The following PTPRT variants were observed in gnomAD, a reference collection of about 807,000 sequenced individuals.
PTPRT encodes receptor-type tyrosine-protein phosphatase T.
In PTPRT, 56 loss-of-function variants were observed where a neutral mutation model predicts 176.8. The ratio of observed to expected loss-of-function variants is 0.32; its 90% CI spans 0.26 to 0.40. The LOEUF is 0.40. PTPRT is among the 10% of genes least tolerant of loss of function. The pLI, the probability that PTPRT is intolerant of heterozygous loss-of-function variation, is 1.00. For synonymous variants in PTPRT, 783 were observed against 739.0 expected (o/e 1.06, Z -0.96); for missense variants, 1,540 against 1,908.2 (o/e 0.81, Z 3.60).
chr20:42,710,859 C>G (rs2076134104), intron 6 of PTPRT, among the ~76,000 whole-genome samples: 1 of 152,356 alleles, frequency 6.6e-6, no homozygotes, highest in African/African-American at 2.4e-5. Flanking sequence ...TCCAAGAAAG[C>G]CACAGGGACA....
chr20:42,911,918 C>G (rs142767730), intron 1 of PTPRT, among the ~76,000 whole-genome samples: 1 of 151,598 alleles, frequency 6.6e-6, no homozygotes, highest in Non-Finnish European at 1.5e-5. Flanking sequence ...CTTCTAAAAC[C>G]CAATTTTAAT....
At chr20:42,504,337 A>G (rs1042416649) in intron 7 of PTPRT, among the ~76,000 whole-genome samples, 2 of 149,432 alleles carry the variant, frequency 1.3e-5, no homozygotes, top group Non-Finnish European at 3.0e-5. Context: ...ATGAATGTTA[A>G]AAAAAAACCA....
chr20:42,163,869 A>G (rs1171466079), intron 16 of PTPRT, among the ~76,000 whole-genome samples: 1 of 152,244 alleles, frequency 6.6e-6, no homozygotes, highest in Non-Finnish European at 1.5e-5. Context: ...CCTTCTTTAA[A>G]GACTCACACT....
chr20:42,083,118 C>CA (rs3084622), intron 29 of PTPRT, among the ~76,000 whole-genome samples: 1,857 of 60,032 alleles, frequency 0.031, 108 homozygotes, highest in African/African-American at 0.13. Flanking sequence ...GACACTAGTG[C>CA]AAAAAAAAAA....
chr20:42,797,483 C>A (rs974920803), intron 2 of PTPRT, among the ~76,000 whole-genome samples: 1 of 152,088 alleles, frequency 6.6e-6, no homozygotes, highest in African/African-American at 2.4e-5. Context: ...ATATGTGGAG[C>A]CTTACACATC....
chr20:42,109,923 AAG>A (rs1986857494), intron 23 of PTPRT, among the ~76,000 whole-genome samples: 2 of 152,156 alleles, frequency 1.3e-5, no homozygotes, highest in South Asian at 4.1e-4. Context: ...TATCATCAGA[AAG>A]CACTGGGCAT....
intron 1 of PTPRT, among the ~76,000 whole-genome samples, chr20:42,943,105 G>T (rs1419370164): frequency 6.6e-6 from 1 of 152,194 alleles, no homozygotes; most frequent in African/African-American, 2.4e-5. Flanking sequence ...AACGCAACTT[G>T]AGGAAAAGAG....
chr20:42,333,236 C>T (rs181375577), intron 11 of PTPRT, among the ~76,000 whole-genome samples: 119 of 152,282 alleles, frequency 7.8e-4, no homozygotes, highest in Middle Eastern at 3.4e-3. Context: ...TTCTACTAAG[C>T]TAGGCATTAA....
intron 2 of PTPRT, among the ~76,000 whole-genome samples, chr20:42,864,952 T>C (rs1190028542): frequency 3.3e-5 from 5 of 152,230 alleles, no homozygotes; most frequent in African/African-American, 4.8e-5. Flanking sequence ...TTTCTTCTAC[T>C]TGTTGCCATC....
At chr20:43,114,292 G>C (rs778516992) in intron 1 of PTPRT, among the ~76,000 whole-genome samples, 2 of 152,078 alleles carry the variant, frequency 1.3e-5, no homozygotes, top group Non-Finnish European at 2.9e-5. Flanking sequence ...ATGTGTAATG[G>C]TTTAGAAAAC....
At chr20:42,540,044 C>G (rs2072550397) in intron 7 of PTPRT, among the ~76,000 whole-genome samples, 1 of 152,090 alleles carries the variant, frequency 6.6e-6, no homozygotes, top group South Asian at 2.1e-4. Context: ...CAGAGTGAAA[C>G]AGCCCACCAT....
chr20:42,850,035 C>T (rs1393041064), intron 2 of PTPRT, among the ~76,000 whole-genome samples: 2 of 152,188 alleles, frequency 1.3e-5, no homozygotes, highest in Non-Finnish European at 2.9e-5. Flanking sequence ...TTCCCTATGA[C>T]TACATTTCTC....
At chr20:42,117,711 C>T (rs528152135) in intron 21 of PTPRT, among the ~76,000 whole-genome samples, 50 of 152,156 alleles carry the variant, frequency 3.3e-4, no homozygotes, top group African/African-American at 1.1e-3. Flanking sequence ...AGCTACGCTG[C>T]GGTGGGTAGA....
chr20:42,632,688 T>C (rs6030386), intron 7 of PTPRT, among the ~76,000 whole-genome samples: 23,260 of 149,528 alleles, frequency 0.16, 1,906 homozygotes, highest in South Asian at 0.19. Context: ...ACTATATTTA[T>C]TAATATTTAC....
chr20:42,262,028 C>T (rs1340293800), intron 13 of PTPRT, among the ~76,000 whole-genome samples: 1 of 152,192 alleles, frequency 6.6e-6, no homozygotes, highest in African/African-American at 2.4e-5. Context: ...CCAGTAAACA[C>T]GCAGCACAGA....
chr20:42,775,372 G>A (rs1224062046), intron 4 of PTPRT, among the ~76,000 whole-genome samples: 9 of 152,150 alleles, frequency 5.9e-5, no homozygotes, highest in African/African-American at 2.2e-4. Context: ...CTGTGGGCTC[G>A]GGGACACGGC....
chr20:42,991,159 G>T (rs1983891366), intron 1 of PTPRT, among the ~76,000 whole-genome samples: 2 of 152,122 alleles, frequency 1.3e-5, no homozygotes, highest in Non-Finnish European at 2.9e-5. Context: ...CTGAGTTAAG[G>T]GTTGTAGTTA....
rs192614834 is a variant in PTPRT, at chr20:42,782,994, C to A, written c.487-2695G>T. On this transcript the variant is annotated intron_variant, in intron 3 of 30. Transcript: ENST00000373187. ...TATAATGTAAATAATAATGTATTTC[C>A]TAGATACATGTTAATAAATGTAAAG... is the stretch of plus-strand genomic sequence containing the variant. 1.7e-3 allele frequency among the ~76,000 whole-genome samples: 255 copies of A among 152,172 alleles called. 2 individuals are homozygous for A. Among genetic ancestry groups the A allele is most frequent in the Non-Finnish European group, 6.2e-4 (42 of 67,994 alleles).
At chr20:42,528,962 G>A (rs779880931) in intron 7 of PTPRT, among the ~76,000 whole-genome samples, 12 of 152,216 alleles carry the variant, frequency 7.9e-5, no homozygotes, top group African/African-American at 9.6e-5. Flanking sequence ...CATACAACTC[G>A]CTCTCTATGA....
Sources: allele counts gnomAD v4.1 joint callset (sites outside exome capture counted in the v4.1 genomes callset), GRCh38; gene constraint gnomAD v4.1.1; transcripts MANE v1.5; gene names NCBI Gene and HGNC (gene_info 2026-07-23, HGNC 2026-07-21).